The following MARCHF1 variants were observed in gnomAD, a reference collection of about 807,000 sequenced individuals.
MARCHF1 encodes E3 ubiquitin-protein ligase MARCHF1.
Under a neutral mutation model 54.2 loss-of-function variants are expected in MARCHF1, and 40 were observed. That is an observed-to-expected ratio of 0.74 (90% confidence interval 0.57 to 0.96). The LOEUF (loss-of-function observed/expected upper bound fraction) is 0.96. MARCHF1 is among the 40% of genes least tolerant of loss of function. The pLI is 0.00. For missense variants in MARCHF1, 586 were observed against 656.5 expected (o/e 0.89, Z 1.17); for synonymous variants, 236 against 236.3 (o/e 1.00, Z 0.01).
At chr4:164,242,794 G>C (rs1472639974) in intron 1 of MARCHF1, among the ~76,000 whole-genome samples, 1 of 152,090 alleles carries the variant, frequency 6.6e-6, no homozygotes, top group East Asian at 1.9e-4. Context: ...GGAGTTGATA[G>C]AGCTGAAAAC....
chr4:163,719,422 G>T (rs923293311), intron 4 of MARCHF1, among the ~76,000 whole-genome samples: 1 of 152,062 alleles, frequency 6.6e-6, no homozygotes, highest in Non-Finnish European at 1.5e-5. Flanking sequence ...TCTTAATCCA[G>T]TCTATCATTG....
At chr4:164,145,897 C>T (rs373858300) in intron 1 of MARCHF1, among the ~76,000 whole-genome samples, 1,145 of 103,452 alleles carry the variant, frequency 0.011, 11 homozygotes, top group East Asian at 0.062. Flanking sequence ...TGTTTGCAGA[C>T]GACATGATTG....
chr4:163,793,431 A>G (rs773807292), intron 4 of MARCHF1, among the ~76,000 whole-genome samples: 3 of 152,118 alleles, frequency 2.0e-5, no homozygotes, highest in Admixed American at 6.6e-5. Context: ...CAATTGTGAG[A>G]TTTTCCTTAC....
chr4:164,329,318 TTACAA>T (rs1735364837), intron 1 of MARCHF1, among the ~76,000 whole-genome samples: 2 of 152,048 alleles, frequency 1.3e-5, no homozygotes, highest in African/African-American at 4.8e-5. Context: ...TGTATTTATA[TTACAA>T]TACAAGAAAG....
chr4:163,922,473 T>C (rs573591612), intron 3 of MARCHF1, among the ~76,000 whole-genome samples: 4 of 152,314 alleles, frequency 2.6e-5, no homozygotes, highest in African/African-American at 9.6e-5. Flanking sequence ...CATAGGCCTG[T>C]TGCACTCTAC....
At chr4:164,189,955 A>G (rs1279718725) in intron 1 of MARCHF1, 3 of 1,545,440 alleles carry the variant, frequency 1.9e-6, no homozygotes, top group Non-Finnish European at 2.7e-6. Flanking sequence ...ACAATTACCA[A>G]TGACCAGAAT....
At chr4:164,122,837 G>T (rs542056454) in intron 1 of MARCHF1, among the ~76,000 whole-genome samples, 1 of 152,036 alleles carries the variant, frequency 6.6e-6, no homozygotes, top group Non-Finnish European at 1.5e-5. Context: ...ACTGAGTAGT[G>T]AAAAACTGAA....
At chr4:163,977,493 A>T (rs1752672214) in intron 3 of MARCHF1, among the ~76,000 whole-genome samples, 1 of 152,176 alleles carries the variant, frequency 6.6e-6, no homozygotes, top group Admixed American at 6.5e-5. Flanking sequence ...TTGTTATCCT[A>T]ATTCAAATTC....
At chr4:163,820,372 G>A (rs1180427899) in intron 4 of MARCHF1, among the ~76,000 whole-genome samples, 1 of 151,950 alleles carries the variant, frequency 6.6e-6, no homozygotes, top group Non-Finnish European at 1.5e-5. Context: ...TAAAGTTCTA[G>A]TCTACCCTTC....
rs146582159 is a variant in MARCHF1, at chr4:163,630,634, A to G, written c.163-17241T>C. 7.8e-3 allele frequency among the ~76,000 whole-genome samples: 1,186 copies of G among 152,296 alleles called. 14 individuals are homozygous for G. Among genetic ancestry groups the G allele is most frequent in the African/African-American group, 0.027 (1,137 of 41,562 alleles). ...TAAGAATAAAGTTTAATTTGGCTAT[A>G]GTGTGCAAAATGGATTGTGGTGAGA... On this transcript the variant is annotated intron_variant, in intron 5 of 9. Coordinates refer to ENST00000514618, the MANE Select transcript of MARCHF1 (RefSeq NM_001394959.1).
chr4:164,199,681 C>CACAGAGAG (rs1462208986), intron 1 of MARCHF1, among the ~76,000 whole-genome samples: 65 of 47,656 alleles, frequency 1.4e-3, no homozygotes, highest in Admixed American at 3.1e-3. Flanking sequence ...CACACACACA[C>CACAGAGAG]AGAGAGAGAG....
chr4:164,152,674 C>A (rs1392314809), intron 1 of MARCHF1, among the ~76,000 whole-genome samples: 3 of 152,118 alleles, frequency 2.0e-5, no homozygotes, highest in African/African-American at 7.2e-5. Flanking sequence ...AAGAGCCAGG[C>A]ACCCTTTCAA....
At chr4:163,751,525 TAGA>T (rs1479335103) in intron 4 of MARCHF1, among the ~76,000 whole-genome samples, 15 of 152,038 alleles carry the variant, frequency 9.9e-5, no homozygotes, top group Admixed American at 7.9e-4. Context: ...TTAAAAGATT[TAGA>T]AGGTTTATGC....
intron 4 of MARCHF1, among the ~76,000 whole-genome samples, chr4:163,816,035 C>T (rs1181758211): frequency 6.6e-6 from 1 of 152,082 alleles, no homozygotes; most frequent in Admixed American, 6.6e-5. Context: ...TATGGGTTAC[C>T]AGAAATTACT....
intron 4 of MARCHF1, among the ~76,000 whole-genome samples, chr4:163,709,907 T>C (rs1157396170): frequency 6.6e-6 from 1 of 152,174 alleles, no homozygotes; most frequent in East Asian, 1.9e-4. Flanking sequence ...TGTAAAGCAC[T>C]GTATAAATAT....
At chr4:163,836,888 G>T (rs1454551269) in intron 4 of MARCHF1, among the ~76,000 whole-genome samples, 1 of 151,854 alleles carries the variant, frequency 6.6e-6, no homozygotes, top group Non-Finnish European at 1.5e-5. Flanking sequence ...AGAAAAATTT[G>T]AGGAGGTCTA....
At chr4:163,908,867 GT>G (rs1279426545) in intron 3 of MARCHF1, among the ~76,000 whole-genome samples, 1 of 152,056 alleles carries the variant, frequency 6.6e-6, no homozygotes, top group Non-Finnish European at 1.5e-5. Context: ...TGATTCTCTA[GT>G]GTAGATGTGC....
intron 4 of MARCHF1, among the ~76,000 whole-genome samples, chr4:163,718,925 G>T (rs1455189788): frequency 6.6e-6 from 1 of 152,132 alleles, no homozygotes; most frequent in Non-Finnish European, 1.5e-5. Context: ...CTGAGGTGAG[G>T]ACCAGAGCCA....
At chr4:163,831,256 C>A (rs1238690539) in intron 4 of MARCHF1, among the ~76,000 whole-genome samples, 2 of 152,076 alleles carry the variant, frequency 1.3e-5, no homozygotes, top group Non-Finnish European at 2.9e-5. Context: ...CCAGGTGGAA[C>A]CCTCAAAGAA....
Sources: allele counts gnomAD v4.1 joint callset (sites outside exome capture counted in the v4.1 genomes callset), GRCh38; gene constraint gnomAD v4.1.1; transcripts MANE v1.5; gene names NCBI Gene and HGNC (gene_info 2026-07-23, HGNC 2026-07-21).